GMDS: variants seen among roughly 807,000 people sequenced by gnomAD.
GMDS encodes GDP-mannose 4,6-dehydratase, also known as GDP-mannose 4,6 dehydratase.
In GMDS, 20 loss-of-function variants were observed where a neutral mutation model predicts 49.9. That is an observed-to-expected ratio of 0.40 (90% CI 0.28 to 0.58). The LOEUF is 0.58. GMDS is among the 20% of genes least tolerant of loss of function. The pLI, the probability that GMDS is intolerant of heterozygous loss-of-function variation, is 0.42. For synonymous variants in GMDS, 177 were observed against 178.6 expected (o/e 0.99, Z 0.07); for missense variants, 362 against 481.4 (o/e 0.75, Z 2.32).
intron 7 of GMDS, among the ~76,000 whole-genome samples, chr6:1,905,678 G>A (rs1281012821): frequency 2.9e-5 from 4 of 137,780 alleles, no homozygotes; most frequent in Non-Finnish European, 6.2e-5. Flanking sequence ...GTGTAGGTGG[G>A]GCCTCAAAGG....
intron 7 of GMDS, among the ~76,000 whole-genome samples, chr6:1,880,812 T>C (rs1414554722): frequency 6.6e-6 from 1 of 152,264 alleles, no homozygotes; most frequent in East Asian, 1.9e-4. Flanking sequence ...GTTCCAACAA[T>C]GGCCAGCTGG....
intron 7 of GMDS, among the ~76,000 whole-genome samples, chr6:1,880,971 A>ATTAAAGGATT (rs1297046813): frequency 1.3e-5 from 2 of 152,242 alleles, no homozygotes; most frequent in East Asian, 3.8e-4. Flanking sequence ...ATTAAAGTAG[A>ATTAAAGGATT]AATCCAGGAT....
intron 4 of GMDS, among the ~76,000 whole-genome samples, chr6:2,098,285 T>C (rs1268352940): frequency 6.6e-6 from 1 of 152,208 alleles, no homozygotes; most frequent in East Asian, 1.9e-4. Flanking sequence ...CTCAAACTCC[T>C]GACCTCAGTC....
intron 4 of GMDS, among the ~76,000 whole-genome samples, chr6:2,086,755 G>C (rs1773038281): frequency 6.6e-6 from 1 of 152,238 alleles, no homozygotes; most frequent in African/African-American, 2.4e-5. Context: ...AGAGGTGATA[G>C]TATGCCTTTC....
chr6:2,229,407 A>AT (rs1291800455), intron 1 of GMDS, among the ~76,000 whole-genome samples: 10 of 109,988 alleles, frequency 9.1e-5, no homozygotes, highest in African/African-American at 4.3e-4. Flanking sequence ...CCCTGTTTCT[A>AT]CAAAAAAAAA....
intron 7 of GMDS, among the ~76,000 whole-genome samples, chr6:1,744,393 C>A (rs192344887): frequency 9.2e-4 from 140 of 152,262 alleles, no homozygotes; most frequent in Non-Finnish European, 1.9e-4. Flanking sequence ...CCTGCAATTT[C>A]ATTTTGCCTT....
At chr6:1,715,543 A>T (rs1205574253) in intron 9 of GMDS, among the ~76,000 whole-genome samples, 1 of 152,226 alleles carries the variant, frequency 6.6e-6, no homozygotes, top group Non-Finnish European at 1.5e-5. Context: ...TGCCTGGGGG[A>T]ACAGGTGCAG....
intron 7 of GMDS, among the ~76,000 whole-genome samples, chr6:1,769,575 T>C (rs997306738): frequency 1.8e-4 from 27 of 152,236 alleles, no homozygotes; most frequent in Non-Finnish European, 8.8e-5. Context: ...GGCTATTAAT[T>C]GGCCAGGAGG....
intron 7 of GMDS, among the ~76,000 whole-genome samples, chr6:1,843,699 T>C (rs893661250): frequency 6.6e-6 from 1 of 152,150 alleles, no homozygotes; most frequent in Admixed American, 6.5e-5. Context: ...ACCCATGAGG[T>C]GGAGGTTGCG....
At chr6:2,230,920 A>C (rs1250176318) in intron 1 of GMDS, among the ~76,000 whole-genome samples, 1 of 121,602 alleles carries the variant, frequency 8.2e-6, no homozygotes, top group Non-Finnish European at 1.7e-5. Flanking sequence ...TAATGCATTT[A>C]GTATTCTCTT....
chr6:2,189,335 C>G (rs900659715), intron 1 of GMDS, among the ~76,000 whole-genome samples: 1 of 152,110 alleles, frequency 6.6e-6, no homozygotes, highest in Non-Finnish European at 1.5e-5. Flanking sequence ...GGTTGTTTTA[C>G]CTGTGGTGAC....
At chr6:1,626,812 G>C (rs1762860383) in intron 9 of GMDS, among the ~76,000 whole-genome samples, 1 of 152,176 alleles carries the variant, frequency 6.6e-6, no homozygotes, top group South Asian at 2.1e-4. Context: ...TCTACAAGTA[G>C]CTCACAATAT....
chr6:1,671,492 G>T (rs1384814456), intron 9 of GMDS, among the ~76,000 whole-genome samples: 1 of 151,820 alleles, frequency 6.6e-6, no homozygotes, highest in East Asian at 1.9e-4. Context: ...TTATTTTCTG[G>T]GTTTACAGTC....
intron 1 of GMDS, among the ~76,000 whole-genome samples, chr6:2,238,987 T>C (rs979281545): frequency 1.3e-5 from 2 of 152,208 alleles, no homozygotes; most frequent in African/African-American, 4.8e-5. Context: ...TTTACAAACT[T>C]AATTTCAAAT....
chr6:1,971,706 T>C (rs1764624130), intron 4 of GMDS, among the ~76,000 whole-genome samples: 1 of 152,136 alleles, frequency 6.6e-6, no homozygotes, highest in Non-Finnish European at 1.5e-5. Context: ...CTCCACACTG[T>C]GGGGGCCATG....
intron 6 of GMDS, among the ~76,000 whole-genome samples, chr6:1,957,836 T>C (rs2127292616): frequency 6.6e-6 from 1 of 152,356 alleles, no homozygotes; most frequent in Middle Eastern, 3.4e-3. Flanking sequence ...GGGGTCTCAC[T>C]ATGTTGCCCA....
At chr6:1,659,329 C>T (rs562051913) in intron 9 of GMDS, among the ~76,000 whole-genome samples, 30 of 151,892 alleles carry the variant, frequency 2.0e-4, no homozygotes, top group Non-Finnish European at 4.3e-4. Flanking sequence ...CTTCATGATA[C>T]ATCAGTGTCA....
At chr6:1,701,611 G>T (rs1318887540) in intron 9 of GMDS, among the ~76,000 whole-genome samples, 2 of 152,078 alleles carry the variant, frequency 1.3e-5, no homozygotes. Context: ...ATTTCTGAGG[G>T]AGTAATAGCG....
intron 7 of GMDS, among the ~76,000 whole-genome samples, chr6:1,878,978 G>A (rs758763534): frequency 7.9e-5 from 12 of 152,154 alleles, no homozygotes; most frequent in Admixed American, 2.6e-4. Context: ...GTTACACAGT[G>A]GGCCCAGTGA....
Sources: gnomAD v4.1 joint callset for allele counts (sites outside exome capture counted in the v4.1 genomes callset) on GRCh38, gnomAD v4.1.1 for gene constraint, MANE v1.5 for transcripts, NCBI Gene and HGNC (gene_info 2026-07-23, HGNC 2026-07-21) for gene names.